Variants in WIPF3 observed in about 807,000 individuals in gnomAD.
WIPF3 encodes WAS/WASL-interacting protein family member 3.
A neutral mutation model predicts 38.9 loss-of-function variants in WIPF3; 33 were observed. The ratio of observed to expected loss-of-function variants is 0.85; its 90% confidence interval spans 0.64 to 1.14. The LOEUF (loss-of-function observed/expected upper bound fraction) is 1.14, where lower values mean the gene tolerates loss of function less well. Among genes scored for constraint, WIPF3 ranks in the 50% most tolerant of loss-of-function variants. WIPF3 has a pLI of 0.00. For synonymous variants in WIPF3, 324 were observed against 269.3 expected (o/e 1.20, Z -1.99); for missense variants, 711 against 652.5 (o/e 1.09, Z -0.98).
chr7:29,890,095 A>G (rs934874973), intron 7 of WIPF3, among the ~76,000 whole-genome samples: 1 of 152,184 alleles, frequency 6.6e-6, no homozygotes, highest in Non-Finnish European at 1.5e-5. Context: ...GGCATGATCC[A>G]TGCCTGTAAC....
intron 2 of WIPF3, among the ~76,000 whole-genome samples, chr7:29,848,571 C>T (rs983199179): frequency 1.3e-5 from 2 of 152,160 alleles, no homozygotes; most frequent in African/African-American, 4.8e-5. Flanking sequence ...CTGAGCCAAA[C>T]ATTCATTTAA....
intron 1 of WIPF3, among the ~76,000 whole-genome samples, chr7:29,829,410 G>A (rs1784680876): frequency 6.6e-6 from 1 of 151,870 alleles, no homozygotes; most frequent in African/African-American, 2.4e-5. Context: ...GTAGAGACGG[G>A]GTTTCACCAT....
rs1372156848 is a variant in WIPF3, at chr7:29,848,719, C to T, written c.90+13905C>T. ...AGCTCTTTTCTTCTATAGCTATATA[C>T]TGAAATATTTGTGGGTGATTTCGTA... On this transcript the variant is annotated intron_variant, in intron 2 of 8. Coordinates refer to ENST00000242140, the MANE Select transcript of WIPF3 (RefSeq NM_001080529.3). 2.0e-5 allele frequency among the ~76,000 whole-genome samples: 3 copies of T among 152,112 alleles called. No homozygotes were observed. In the East Asian group the frequency reaches 5.8e-4, roughly 29 times the overall value.
At position 29,848,733 on chromosome 7, in the gene WIPF3, G is replaced by A. The variant is rs375661090; in HGVS notation, c.90+13919G>A. ...ATAGCTATATACTGAAATATTTGTG[G>A]GTGATTTCGTACAGTGTTGGATATG... On this transcript the variant is annotated intron_variant, in intron 2 of 8. Coordinates refer to ENST00000242140, the MANE Select transcript of WIPF3 (RefSeq NM_001080529.3). 6.6e-5 allele frequency among the ~76,000 whole-genome samples: 10 copies of A among 152,174 alleles called. No homozygotes were observed. In the South Asian group the frequency reaches 1.0e-3, roughly 16 times the overall value.
At chr7:29,879,473 A>C (rs770829493) in intron 4 of WIPF3, among the ~76,000 whole-genome samples, 1 of 152,264 alleles carries the variant, frequency 6.6e-6, no homozygotes, top group African/African-American at 2.4e-5. Context: ...ATAGAACTTC[A>C]TAGTGACATC....
intron 7 of WIPF3, among the ~76,000 whole-genome samples, chr7:29,899,472 G>A (rs1165245343): frequency 1.3e-5 from 2 of 152,358 alleles, no homozygotes; most frequent in South Asian, 4.1e-4. Context: ...GGCAGAGACT[G>A]CAGCAGTTTT....
intron 2 of WIPF3, among the ~76,000 whole-genome samples, chr7:29,856,019 T>C (rs904058034): frequency 1.3e-5 from 2 of 152,222 alleles, no homozygotes; most frequent in African/African-American, 4.8e-5. Context: ...ACATGACTTT[T>C]GTGTGTTTCT....
At chr7:29,861,399 A>G (rs1785272749) in intron 2 of WIPF3, among the ~76,000 whole-genome samples, 1 of 152,202 alleles carries the variant, frequency 6.6e-6, no homozygotes, top group African/African-American at 2.4e-5. Flanking sequence ...AGGAAAAGAA[A>G]TGTAACTTTA....
At chr7:29,828,421 C>T (rs62459995) in intron 1 of WIPF3, among the ~76,000 whole-genome samples, 17,511 of 152,144 alleles carry the variant, frequency 0.12, 1,101 homozygotes, top group African/African-American at 0.16. Flanking sequence ...TACCCTCACC[C>T]TGGAATAGCT....
At chr7:29,818,531 TATA>T (rs1178429693) in intron 1 of WIPF3, among the ~76,000 whole-genome samples, 4 of 148,444 alleles carry the variant, frequency 2.7e-5, no homozygotes, top group African/African-American at 9.8e-5. Context: ...ATTAAAATTA[TATA>T]ATATTATATA....
At chr7:29,838,167 C>G (rs1159433624) in intron 2 of WIPF3, among the ~76,000 whole-genome samples, 1 of 152,204 alleles carries the variant, frequency 6.6e-6, no homozygotes, top group Non-Finnish European at 1.5e-5. Flanking sequence ...ATCCACCTGC[C>G]TCAGCCTCCC....
intron 2 of WIPF3, among the ~76,000 whole-genome samples, chr7:29,839,708 T>A (rs958564823): frequency 6.6e-6 from 1 of 152,188 alleles, no homozygotes; most frequent in Non-Finnish European, 1.5e-5. Context: ...TTCAAATGGC[T>A]GGAAAAAAAT....
At chr7:29,887,743 G>A (rs1022085874) in intron 5 of WIPF3, among the ~76,000 whole-genome samples, 2 of 152,112 alleles carry the variant, frequency 1.3e-5, no homozygotes, top group African/African-American at 4.8e-5. Flanking sequence ...TAATATTATT[G>A]CAGCAGCTAA....
chr7:29,888,043 A>G, intron 5 of WIPF3, 25 bp from the exon 6 acceptor site: 1 of 1,613,534 alleles, frequency 6.2e-7, no homozygotes. Context: ...CGTGTTTCTG[A>G]GTACACCATC....
Position 29,845,103 on chromosome 7 carries a change from A to G in WIPF3, c.90+10289A>G, listed in dbSNP as rs566007190. On this transcript the variant is annotated intron_variant, in intron 2 of 8. Coordinates refer to ENST00000242140, the MANE Select transcript of WIPF3 (RefSeq NM_001080529.3). ...TTGGTTCTTCCACCCTTCTAATAGG[A>G]AAAAAAAAAACACAAAAAACATATT... 1.2e-3 allele frequency among the ~76,000 whole-genome samples: 154 copies of G among 132,830 alleles called. 3 individuals carry two copies. The Middle Eastern group carries it at 0.015, about 13-fold the overall frequency. 87.1% of individuals were successfully genotyped at this position (132,830 alleles called of 152,430 possible).
intron 8 of WIPF3, among the ~76,000 whole-genome samples, chr7:29,910,829 T>C (rs976645110): frequency 6.6e-6 from 1 of 152,158 alleles, no homozygotes; most frequent in Admixed American, 6.5e-5. Context: ...GGTGAAAGAC[T>C]GAAAGCTTTT....
chr7:29,875,531 G>C (rs536210291), intron 2 of WIPF3, among the ~76,000 whole-genome samples: 2 of 152,218 alleles, frequency 1.3e-5, no homozygotes, highest in Admixed American at 1.3e-4. Flanking sequence ...CCCTGGGGTG[G>C]GGAGTGTAAG....
intron 2 of WIPF3, among the ~76,000 whole-genome samples, chr7:29,837,303 C>A (rs2128065929): frequency 6.6e-6 from 1 of 152,234 alleles, no homozygotes; most frequent in Admixed American, 6.5e-5. Context: ...TTGCGGTGAG[C>A]CGAGACCACG....
At chr7:29,806,833 G>T (rs1784287595) in intron 1 of WIPF3, among the ~76,000 whole-genome samples, 155 bp downstream of exon 1, 1 of 151,464 alleles carries the variant, frequency 6.6e-6, no homozygotes, top group Non-Finnish European at 1.5e-5. Flanking sequence ...CCGCCGGGCT[G>T]CAGCCCCGGG....
Sources: allele counts gnomAD v4.1 joint callset (sites outside exome capture counted in the v4.1 genomes callset), GRCh38; gene constraint gnomAD v4.1.1; transcripts MANE v1.5; gene names NCBI Gene and HGNC (gene_info 2026-07-23, HGNC 2026-07-21).